ABCA13: variants seen among roughly 807,000 people sequenced by gnomAD.
ABCA13 encodes the protein ATP-binding cassette sub-family A member 13.
A neutral mutation model predicts 478.7 loss-of-function variants in ABCA13; 476 were observed. The observed-to-expected ratio is 0.99, with a 90% CI of 0.92 to 1.07. The LOEUF is 1.07. Among genes scored for constraint, ABCA13 ranks in the 50% least tolerant of loss-of-function variants. The pLI is 0.00. For synonymous variants in ABCA13, 2,252 were observed against 2,158.9 expected (o/e 1.04, Z -1.20); for missense variants, 6,060 against 5,910.6 (o/e 1.03, Z -0.83).
At position 48,521,806 on chromosome 7, in the gene ABCA13, A is replaced by G. The variant is rs142407717; in HGVS notation, c.14051+1512A>G. 3.3e-3 allele frequency among the ~76,000 whole-genome samples: 507 copies of G among 152,276 alleles called. 2 individuals are homozygous for G. The highest frequency in any genetic ancestry group is 0.011 in the African/African-American group (466 of 41,552). On this transcript the variant is annotated intron_variant, in intron 53 of 61. Coordinates refer to ENST00000435803, the MANE Select transcript of ABCA13 (RefSeq NM_152701.5). ...GTAAAGAGTCAATTTTTTTCTCTAC[A>G]TGAAGGTTACAGAGCATAGAAATTT... is the stretch of plus-strand genomic sequence containing the variant.
chr7:48,415,053 C>T (rs528372618), intron 41 of ABCA13, among the ~76,000 whole-genome samples: 9 of 152,278 alleles, frequency 5.9e-5, no homozygotes, highest in Middle Eastern at 3.4e-3. Context: ...CCCCTTTTCC[C>T]CAGATTGCAT....
rs10578720 is a variant in ABCA13 at position 48,541,717 on chromosome 7, G to GAT, written c.14354+13382_14354+13383dup. 3.4e-4 allele frequency among the ~76,000 whole-genome samples: 51 copies of GAT among 149,290 alleles called. 1 individual carries two copies. The highest frequency in any genetic ancestry group is 3.6e-3 in the Middle Eastern group (1 of 278). ...TATTTTAAAAGGGAGAAGAAAAAGA[G>GAT]ATATATATATACATATAAAATATCA... On this transcript the variant is annotated intron_variant, in intron 55 of 61. Transcript: ENST00000435803.
Position 48,295,714 on chromosome 7 carries a change from A to G in ABCA13, c.8970A>G (p.Ile2990Met), listed in dbSNP as rs564678491. 8.1e-6 allele frequency: 13 copies of G among 1,614,054 alleles called. No homozygotes were observed. Among genetic ancestry groups the G allele is most frequent in the Middle Eastern group, 1.6e-4 (1 of 6,062 alleles). Residue 2990 changes from isoleucine to methionine, a missense_variant, in exon 21 of 62, where the codon ATA becomes ATG. This residue lies in a region of ABCA13 where 4,423 missense variants were observed against 4,309.1 expected (regional missense o/e 1.03). Transcript: ENST00000435803. Reference protein sequence around the residue: ...AQDHFQEIEKIWSSPNQLNCE... With the variant: ...AQDHFQEIEKMWSSPNQLNCE... ...ATGTTTTCTAGGAAATTGAAAAGAT[A>G]TGGTCCTCGCCGAATCAGCTAAATT...
Position 48,626,951 on chromosome 7 carries a change from C to T in ABCA13, c.14837+11574C>T, listed in dbSNP as rs368511718. On this transcript the variant is annotated intron_variant, in intron 59 of 61. Coordinates refer to ENST00000435803, the MANE Select transcript of ABCA13 (RefSeq NM_152701.5). Reference sequence around the variant, plus strand: ...AACTTAAAGTTGGGGGTGATTATTGCGTATGGTTGAGACGGAGGAATAAGT... The same window carrying T: ...AACTTAAAGTTGGGGGTGATTATTGTGTATGGTTGAGACGGAGGAATAAGT... The T allele has an allele frequency of 2.4e-5, 24 of 985,156 alleles. No individual in the cohort carries two copies. In the South Asian group the frequency reaches 3.3e-4, roughly 14 times the overall value. 61.0% of individuals were successfully genotyped at this position (985,156 alleles called of 1,614,324 possible).
intron 55 of ABCA13, among the ~76,000 whole-genome samples, chr7:48,551,104 T>G (rs1338055643): frequency 6.6e-6 from 1 of 151,474 alleles, no homozygotes; most frequent in Non-Finnish European, 1.5e-5. Context: ...TCTGCATTGT[T>G]TCAGCTACCT....
intron 33 of ABCA13, 52 bp downstream of exon 33, chr7:48,372,549 C>G (rs910319807): frequency 1.4e-6 from 2 of 1,384,332 alleles, no homozygotes; most frequent in African/African-American, 1.5e-5. Flanking sequence ...AAATTGCAAT[C>G]TATCTAACAA....
At chr7:48,520,409 TA>T in intron 53 of ABCA13, 115 bp downstream of exon 53, 2 of 1,231,316 alleles carry the variant, frequency 1.6e-6, no homozygotes, top group Admixed American at 3.0e-5. Flanking sequence ...GCATTATACA[TA>T]GTTCTAATGC....
intron 48 of ABCA13, among the ~76,000 whole-genome samples, chr7:48,494,822 T>C (rs747597067): frequency 2.6e-5 from 4 of 152,164 alleles, no homozygotes; most frequent in Admixed American, 6.6e-5. Context: ...TGAATTTTCA[T>C]TGGATGCAGT....
At chr7:48,456,647 A>G (rs1227542605) in intron 43 of ABCA13, among the ~76,000 whole-genome samples, 2 of 152,190 alleles carry the variant, frequency 1.3e-5, no homozygotes, top group African/African-American at 4.8e-5. Context: ...TTTACACTCC[A>G]TAATATCTTT....
At chr7:48,380,897 C>T (rs374041756) in intron 35 of ABCA13, among the ~76,000 whole-genome samples, 2 of 152,120 alleles carry the variant, frequency 1.3e-5, no homozygotes, top group African/African-American at 2.4e-5. Context: ...CGATCACACT[C>T]GGGGTCACTG....
rs186535344 is a variant in ABCA13, at chr7:48,317,160, C to A, written c.9863C>A (p.Pro3288Gln). ...TTTTTCTTTCTAATTGCAACAGCAC[C>A]GTTTTGCTTGAAGCTTTATCAGGAA... ...EKFNIPEDST[P>Q]FCLKLYQEIL... Residue 3288 changes from proline (P) to glutamine (Q), a missense_variant, in exon 27 of 62, where the codon CCG becomes CAG. Pro to Gln is a moderately conservative substitution (Grantham distance 76). This residue lies in a region of ABCA13 where 4,423 missense variants were observed against 4,309.1 expected (regional missense o/e 1.03). Transcript: ENST00000435803. 4.3e-6 allele frequency: 7 copies of A among 1,610,296 alleles called. 1 individual carries two copies. In the East Asian group the frequency reaches 1.3e-4, roughly 31 times the overall value.
At chr7:48,495,501 T>C (rs1240845311) in intron 48 of ABCA13, among the ~76,000 whole-genome samples, 2 of 152,210 alleles carry the variant, frequency 1.3e-5, no homozygotes, top group Non-Finnish European at 2.9e-5. Context: ...AAAAAAAGTA[T>C]TCTACTCTTG....
chr7:48,500,874 A>G (rs192690006), intron 48 of ABCA13, among the ~76,000 whole-genome samples: 4 of 152,264 alleles, frequency 2.6e-5, no homozygotes, highest in Admixed American at 2.6e-4. Context: ...CTCTTAGGTG[A>G]CCTTACACAG....
chr7:48,309,440 T>G (rs1801425562), intron 23 of ABCA13, among the ~76,000 whole-genome samples: 1 of 152,232 alleles, frequency 6.6e-6, no homozygotes. Flanking sequence ...TGCCTCCTTC[T>G]GAGTGTACTT....
intron 55 of ABCA13, among the ~76,000 whole-genome samples, chr7:48,562,027 G>A (rs1195780747): frequency 1.3e-5 from 2 of 151,716 alleles, no homozygotes; most frequent in Non-Finnish European, 2.9e-5. Flanking sequence ...AGTGTTTGAG[G>A]AGCAAAGTGC....
intron 59 of ABCA13, among the ~76,000 whole-genome samples, chr7:48,617,148 T>C (rs144640714): frequency 6.6e-6 from 1 of 152,236 alleles, no homozygotes; most frequent in Admixed American, 6.5e-5. Context: ...AATAAAGGAT[T>C]GATCATGACA....
chr7:48,455,731 C>G (rs1164721543), intron 43 of ABCA13, among the ~76,000 whole-genome samples: 1 of 152,268 alleles, frequency 6.6e-6, no homozygotes, highest in Non-Finnish European at 1.5e-5. Flanking sequence ...GCACACACCT[C>G]TCTGCGGAGA....
At chr7:48,318,994 A>G (rs1418900359) in intron 27 of ABCA13, among the ~76,000 whole-genome samples, 6 of 152,186 alleles carry the variant, frequency 3.9e-5, no homozygotes, top group Non-Finnish European at 8.8e-5. Flanking sequence ...CAAATAGCTG[A>G]AGAAATAAGT....
At chr7:48,529,442 A>G (rs1833081806) in intron 55 of ABCA13, among the ~76,000 whole-genome samples, 1 of 152,128 alleles carries the variant, frequency 6.6e-6, no homozygotes, top group South Asian at 2.1e-4. Context: ...CAGCAAACTC[A>G]TGGTAACTTG....
Sources: gnomAD v4.1 joint callset for allele counts (sites outside exome capture counted in the v4.1 genomes callset) on GRCh38, gnomAD v4.1.1 for gene constraint, gnomAD v4.1.1 regional missense constraint, MANE v1.5 for transcripts, NCBI Gene and HGNC (gene_info 2026-07-23, HGNC 2026-07-21) for gene names.